Variants in TMEM87A observed in about 807,000 individuals in gnomAD.
TMEM87A encodes Golgi-pH regulating cation channel.
In TMEM87A, 50 loss-of-function variants were observed where a neutral mutation model predicts 90.0. The observed-to-expected ratio is 0.56, with a 90% CI of 0.44 to 0.70. The LOEUF (loss-of-function observed/expected upper bound fraction) is 0.70. Ranked by LOEUF, TMEM87A falls within the 30% of genes least tolerant of loss-of-function variation. The probability of loss-of-function intolerance (pLI) is 0.00; values close to 1 mark genes in which losing one functional copy is unlikely to be tolerated. For synonymous variants in TMEM87A, 226 were observed against 226.7 expected (o/e 1.00, Z 0.03); for missense variants, 577 against 660.5 (o/e 0.87, Z 1.39).
intron 5 of TMEM87A, 72 bp from the exon 6 acceptor site, chr15:42,261,074 C>A: frequency 6.4e-7 from 1 of 1,551,278 alleles, no homozygotes; most frequent in Non-Finnish European, 8.8e-7. Context: ...TTCCTGTAGC[C>A]ACTGGGGAAG....
At position 42,273,350 on chromosome 15, in the gene TMEM87A, G is replaced by A; in HGVS notation, c.49C>T (p.Leu17=). ...GACAGTGGTGACGGGTGAGCTCCCA[G>A]AAGCAGAAGAATGACAGGCAACACC... ...LQVLPVILLL[L]GAHPSPLSFF... Residue 17 remains leucine (L), a synonymous_variant, in exon 1 of 20, where the codon CTG becomes TTG. Coordinates refer to ENST00000389834, the MANE Select transcript of TMEM87A (RefSeq NM_015497.5). The A allele has an allele frequency of 6.2e-7, 1 of 1,614,146 alleles. No homozygotes were observed. The highest frequency in any genetic ancestry group is 1.1e-5 in the South Asian group (1 of 91,086).
chr15:42,261,633 T>C (rs2051293692), intron 4 of TMEM87A, among the ~76,000 whole-genome samples: 1 of 72,784 alleles, frequency 1.4e-5, no homozygotes, highest in Admixed American at 2.2e-4. Flanking sequence ...TTAAACCTAA[T>C]ATTCTTTTTT....
At chr15:42,222,120 G>A (rs1478365945) in intron 15 of TMEM87A, among the ~76,000 whole-genome samples, 1 of 152,114 alleles carries the variant, frequency 6.6e-6, no homozygotes, top group African/African-American at 2.4e-5. Flanking sequence ...GAGTGCAATG[G>A]CGCGATCTCA....
At chr15:42,242,492 G>A (rs1046939632) in intron 7 of TMEM87A, among the ~76,000 whole-genome samples, 2 of 148,974 alleles carry the variant, frequency 1.3e-5, no homozygotes, top group Admixed American at 6.8e-5. Context: ...TAAAAAGACA[G>A]GAGGATACAC....
intron 14 of TMEM87A, 64 bp downstream of exon 14, chr15:42,227,647 T>C (rs960352721): frequency 4.1e-6 from 6 of 1,464,374 alleles, no homozygotes; most frequent in Non-Finnish European, 5.7e-6. Flanking sequence ...ACCTTACCAC[T>C]GTCATCAACA....
At chr15:42,263,465 C>A (rs2051336448) in intron 4 of TMEM87A, among the ~76,000 whole-genome samples, 1 of 152,176 alleles carries the variant, frequency 6.6e-6, no homozygotes, top group Admixed American at 6.5e-5. Flanking sequence ...AGAGATGGGG[C>A]TCAGCCCGGT....
At chr15:42,236,083 T>C (rs2050764257) in intron 10 of TMEM87A, among the ~76,000 whole-genome samples, 2 of 152,342 alleles carry the variant, frequency 1.3e-5, no homozygotes, top group African/African-American at 4.8e-5. Flanking sequence ...AAGTATGGAA[T>C]ACATTTGGAC....
upstream of TMEM87A, chr15:42,273,531 T>C: frequency 1.4e-6 from 2 of 1,436,310 alleles, no homozygotes; most frequent in Non-Finnish European, 1.9e-6. Context: ...CTGTGCGGCG[T>C]AGCGGCCCCT....
chr15:42,267,280 A>C (rs75309599), intron 3 of TMEM87A, among the ~76,000 whole-genome samples: 3 of 152,240 alleles, frequency 2.0e-5, no homozygotes, highest in South Asian at 4.1e-4. Context: ...AGATACATTC[A>C]TATCAGTGGA....
At chr15:42,242,533 G>C (rs1278296489) in intron 7 of TMEM87A, among the ~76,000 whole-genome samples, 1 of 151,708 alleles carries the variant, frequency 6.6e-6, no homozygotes, top group Non-Finnish European at 1.5e-5. Context: ...GGGACAGGGA[G>C]AGAGGGAGAG....
chr15:42,231,890 A>G, intron 11 of TMEM87A: 1 of 1,279,554 alleles, frequency 7.8e-7, no homozygotes, highest in South Asian at 1.2e-5. Flanking sequence ...CAGGTTTACT[A>G]TCAGAGTCAA....
intron 4 of TMEM87A, among the ~76,000 whole-genome samples, chr15:42,262,704 A>G (rs1410194354): frequency 2.0e-5 from 3 of 152,206 alleles, no homozygotes; most frequent in Non-Finnish European, 2.9e-5. Context: ...GGCCTGAGCC[A>G]CCGCATCTGG....
At chr15:42,239,647 T>G in intron 8 of TMEM87A, 23 bp downstream of exon 8, 1 of 1,602,108 alleles carries the variant, frequency 6.2e-7, no homozygotes, top group South Asian at 1.1e-5. Flanking sequence ...AATACTGAGG[T>G]TAAATAATAT....
intron 6 of TMEM87A, among the ~76,000 whole-genome samples, chr15:42,254,052 CTTT>C (rs538282508): frequency 6.8e-6 from 1 of 147,298 alleles, no homozygotes; most frequent in Non-Finnish European, 1.5e-5. Context: ...CTATTTTTTT[CTTT>C]TTTTTTTTCT....
At chr15:42,272,183 T>C in intron 1 of TMEM87A, 60 bp from the exon 2 acceptor site, 1 of 1,242,808 alleles carries the variant, frequency 8.0e-7, no homozygotes, top group South Asian at 1.3e-5. Context: ...AAGCATCATA[T>C]AACTATCTAA....
At position 42,238,936 on chromosome 15, in the gene TMEM87A, T is replaced by C. The variant is rs530309605; in HGVS notation, c.684+734A>G. Among the ~76,000 whole-genome samples, 9 of 151,508 alleles carry C rather than the reference T, an allele frequency of 5.9e-5. No individual in the cohort carries two copies. In the East Asian group the frequency reaches 7.8e-4, roughly 13 times the overall value. On this transcript the variant is annotated intron_variant, in intron 8 of 19. Coordinates refer to ENST00000389834, the MANE Select transcript of TMEM87A (RefSeq NM_015497.5). ...AGAGAATAATCATGAACAAAGAAAA[T>C]TGAAAATATATTAAGGATATTCTGA...
At chr15:42,258,129 C>T (rs1054796566) in intron 6 of TMEM87A, 1 of 977,330 alleles carries the variant, frequency 1.0e-6, no homozygotes. Context: ...GAACAAATTG[C>T]AATGTACTCA....
intron 8 of TMEM87A, among the ~76,000 whole-genome samples, chr15:42,238,005 ATG>A (rs200237374): frequency 0.27 from 3,247 of 12,136 alleles, 131 homozygotes; most frequent in East Asian, 0.5. Flanking sequence ...ATATATATAT[ATG>A]TGTGTGTGTG....
At chr15:42,250,212 C>G (rs2140962043) in intron 6 of TMEM87A, among the ~76,000 whole-genome samples, 1 of 152,294 alleles carries the variant, frequency 6.6e-6, no homozygotes, top group South Asian at 2.1e-4. Context: ...GGTCTTGACT[C>G]TTTATCCAAT....
Sources: allele counts gnomAD v4.1 joint callset (sites outside exome capture counted in the v4.1 genomes callset), GRCh38; gene constraint gnomAD v4.1.1; transcripts MANE v1.5; gene names NCBI Gene and HGNC (gene_info 2026-07-23, HGNC 2026-07-21).